Variants in WDR64 observed in about 807,000 individuals in gnomAD.
WDR64 encodes WD repeat-containing protein 64.
WDR64 carries 112 observed loss-of-function variants against 139.3 expected under a neutral mutation model. The ratio of observed to expected loss-of-function variants is 0.80; its 90% CI spans 0.69 to 0.94. The LOEUF is 0.94. Ranked by LOEUF, WDR64 falls within the 40% of genes least tolerant of loss-of-function variation. WDR64 has a pLI of 0.00. For missense variants in WDR64, 1,206 were observed against 1,293.1 expected (o/e 0.93, Z 1.03); for synonymous variants, 444 against 437.7 (o/e 1.01, Z -0.18).
chr1:241,750,389 T>C (rs1384427875), intron 14 of WDR64, among the ~76,000 whole-genome samples: 1 of 152,170 alleles, frequency 6.6e-6, no homozygotes, highest in African/African-American at 2.4e-5. Context: ...AAGTCTTGTA[T>C]AGCACAGCAA....
intron 27 of WDR64, 122 bp downstream of exon 27, chr1:241,796,492 C>CTTTTTTT (rs5782206): frequency 1.0e-5 from 5 of 484,726 alleles, no homozygotes; most frequent in African/African-American, 2.1e-5. Flanking sequence ...TCAGTTCATA[C>CTTTTTTT]TTTTTTTTTT....
At chr1:241,762,028 A>C (rs116169249) in intron 15 of WDR64, among the ~76,000 whole-genome samples, 3,549 of 152,262 alleles carry the variant, frequency 0.023, 77 homozygotes, top group Non-Finnish European at 0.037. Context: ...ATGAATCACA[A>C]ATGTCTTAAT....
At chr1:241,796,221 T>G in intron 26 of WDR64, 36 bp from the exon 27 acceptor site, 1 of 1,498,324 alleles carries the variant, frequency 6.7e-7, no homozygotes, top group Admixed American at 1.7e-5. Flanking sequence ...AGTAATCACT[T>G]TGAGTGTGTC....
chr1:241,745,415 A>T (rs1489280889), intron 13 of WDR64, among the ~76,000 whole-genome samples: 1 of 151,062 alleles, frequency 6.6e-6, no homozygotes, highest in Admixed American at 6.6e-5. Flanking sequence ...CACCCTGCAT[A>T]GACATGAAAT....
chr1:241,777,904 TGTTCAGGTGC>T (rs1382938204), intron 21 of WDR64, among the ~76,000 whole-genome samples: 1 of 152,186 alleles, frequency 6.6e-6, no homozygotes, highest in African/African-American at 2.4e-5. Context: ...CTCTTAAAGT[TGTTCAGGTGC>T]GTTCTGTGGC....
At chr1:241,709,528 C>T (rs1286362607) in intron 8 of WDR64, among the ~76,000 whole-genome samples, 3 of 152,008 alleles carry the variant, frequency 2.0e-5, no homozygotes, top group Admixed American at 6.6e-5. Flanking sequence ...GCAGGAGGAT[C>T]GCTTGAGTCC....
At position 241,795,211 on chromosome 1, in the gene WDR64, G is replaced by A. The variant is rs200180061; in HGVS notation, c.3002G>A (p.Arg1001Gln). 7 of 1,613,464 alleles carry A rather than the reference G, an allele frequency of 4.3e-6. No individual in the cohort carries two copies. Among genetic ancestry groups the A allele is most frequent in the African/African-American group, 2.7e-5 (2 of 74,884 alleles). The change falls in exon 26 of 28, where the codon CGA becomes CAA. Residue 1001 changes from arginine (R) to glutamine (Q), a missense_variant. By Grantham distance (43) the Arg-to-Gln change is conservative. Transcript: ENST00000437684. ...FFKSLSSPKIRRYPLEGFVTE... is the reference protein window; with the variant it reads ...FFKSLSSPKIQRYPLEGFVTE... ...ATTCATCCCTTTGTTTTGCAGATTCGAAGATATCCCTTGGAAGGTTTCGTG... is the reference window on the plus strand; with the variant it reads ...ATTCATCCCTTTGTTTTGCAGATTCAAAGATATCCCTTGGAAGGTTTCGTG...
intron 8 of WDR64, among the ~76,000 whole-genome samples, chr1:241,710,107 C>T (rs567834002): frequency 6.6e-6 from 1 of 152,034 alleles, no homozygotes; most frequent in Admixed American, 6.5e-5. Flanking sequence ...GCAACAAGGC[C>T]AGGTTTCTCC....
At position 241,801,139 on chromosome 1, in the gene WDR64, G is replaced by A. The variant is rs755961052; in HGVS notation, c.3200G>A (p.Arg1067Gln). ...GGHVQREKAPRRRSLKKNLVP... is the reference protein window; with the variant it reads ...GGHVQREKAPQRRSLKKNLVP... ...ATGCTCTTTATTTCACAGGCACCAC[G>A]AAGAAGAAGTTTGAAAAAAAATTTA... Residue 1067 changes from arginine (R) to glutamine (Q), a missense_variant, in exon 28 of 28, where the codon CGA becomes CAA. Coordinates refer to ENST00000437684, the MANE Select transcript of WDR64 (RefSeq NM_001367482.1). 3.1e-6 allele frequency: 5 copies of A among 1,613,020 alleles called. No individual in the cohort carries two copies. The highest frequency in any genetic ancestry group is 2.7e-5 in the African/African-American group (2 of 74,926).
intron 7 of WDR64, among the ~76,000 whole-genome samples, chr1:241,686,354 G>T (rs1216035858): frequency 1.3e-5 from 2 of 152,168 alleles, no homozygotes; most frequent in Admixed American, 6.5e-5. Flanking sequence ...GAAAGAAGTA[G>T]CCAGGATCCA....
chr1:241,794,595 G>A (rs867483160), intron 25 of WDR64, among the ~76,000 whole-genome samples: 1 of 129,840 alleles, frequency 7.7e-6, no homozygotes, highest in Non-Finnish European at 1.5e-5. Flanking sequence ...TGCAACCTCC[G>A]CCTCCTAGGT....
chr1:241,794,802 C>T (rs1234457248), intron 25 of WDR64, among the ~76,000 whole-genome samples: 2 of 152,056 alleles, frequency 1.3e-5, no homozygotes, highest in African/African-American at 4.8e-5. Context: ...CCACCGTGCC[C>T]GGCCGCTTTA....
At chr1:241,787,321 A>G (rs6676276) in intron 23 of WDR64, among the ~76,000 whole-genome samples, 57,554 of 145,544 alleles carry the variant, frequency 0.4, 11,421 homozygotes, top group African/African-American at 0.45. Flanking sequence ...CCGAGATGGC[A>G]CCACTGCACT....
chr1:241,754,752 G>C (rs968608615), intron 14 of WDR64, among the ~76,000 whole-genome samples: 1 of 151,382 alleles, frequency 6.6e-6, no homozygotes, highest in Non-Finnish European at 1.5e-5. Context: ...CCCAGTGTGT[G>C]ATGTTCCCCT....
intron 8 of WDR64, among the ~76,000 whole-genome samples, chr1:241,705,566 A>AATAATAATG (rs1460523609): frequency 9.2e-5 from 4 of 43,372 alleles, no homozygotes; most frequent in Non-Finnish European, 1.7e-4. Context: ...AATAAATAAT[A>AATAATAATG]ATAATAATAA....
intron 8 of WDR64, among the ~76,000 whole-genome samples, chr1:241,687,997 G>A (rs752431423): frequency 1.3e-5 from 2 of 152,190 alleles, no homozygotes; most frequent in Non-Finnish European, 2.9e-5. Context: ...TAATATACAA[G>A]TTGGCATCCT....
chr1:241,766,447 A>C, intron 16 of WDR64, 96 bp downstream of exon 16: 2 of 1,404,384 alleles, frequency 1.4e-6, no homozygotes, highest in Non-Finnish European at 9.5e-7. Flanking sequence ...GCGGTGGCTC[A>C]GGTCTGTAAA....
At chr1:241,696,880 T>G (rs1340174347) in intron 8 of WDR64, among the ~76,000 whole-genome samples, 1 of 152,162 alleles carries the variant, frequency 6.6e-6, no homozygotes. Context: ...CTTCTGTAAA[T>G]GTAGCCCAGC....
Position 241,802,130 on chromosome 1 carries a change from CA to C in WDR64, c.*921del, listed in dbSNP as rs1304385773. ...TTTTATAAAGTTATTAATAATAACT[CA>C]AAAAAGGAAAAAGCCTAGTTTCCAC... On this transcript the variant is annotated 3_prime_UTR_variant, in exon 28 of 28. Coordinates refer to ENST00000437684, the MANE Select transcript of WDR64 (RefSeq NM_001367482.1). 2.5e-6 allele frequency: 1 copy of C among 397,694 alleles called. No homozygotes were observed. The highest frequency in any genetic ancestry group is 4.4e-6 in the Non-Finnish European group (1 of 225,710). The allele number at this position is 397,694 out of a possible 1,614,324, so 24.6% of individuals were successfully genotyped here.
Sources: gnomAD v4.1 joint callset for allele counts (sites outside exome capture counted in the v4.1 genomes callset) on GRCh38, gnomAD v4.1.1 for gene constraint, MANE v1.5 for transcripts, NCBI Gene and HGNC (gene_info 2026-07-23, HGNC 2026-07-21) for gene names.